CPQ: variants seen among roughly 807,000 people sequenced by gnomAD.
CPQ encodes the protein carboxypeptidase Q, also known as Ser-Met dipeptidase.
Under a neutral mutation model 45.7 loss-of-function variants are expected in CPQ, and 37 were observed. The observed-to-expected ratio is 0.81, with a 90% confidence interval of 0.62 to 1.07. CPQ has a LOEUF of 1.07. CPQ is among the 50% of genes least tolerant of loss of function. The pLI is 0.00. For synonymous variants in CPQ, 186 were observed against 205.8 expected (o/e 0.90, Z 0.82); for missense variants, 537 against 572.9 (o/e 0.94, Z 0.64).
At chr8:96,902,635 C>G (rs1349686514) in intron 4 of CPQ, among the ~76,000 whole-genome samples, 2 of 152,152 alleles carry the variant, frequency 1.3e-5, no homozygotes, top group East Asian at 3.9e-4. Context: ...GGGAACTTCC[C>G]CCTTGCCCTT....
intron 4 of CPQ, among the ~76,000 whole-genome samples, chr8:96,880,217 G>T (rs1415117026): frequency 1.3e-5 from 2 of 151,988 alleles, no homozygotes; most frequent in East Asian, 1.9e-4. Context: ...AAAAGTCAAA[G>T]AATAATAGAT....
chr8:96,817,466 G>T (rs1407089241), intron 2 of CPQ, among the ~76,000 whole-genome samples: 2 of 152,138 alleles, frequency 1.3e-5, no homozygotes, highest in Non-Finnish European at 2.9e-5. Flanking sequence ...GAATTGAAGA[G>T]AGTTAGGGCT....
At chr8:97,115,136 A>T (rs2130598839) in intron 7 of CPQ, among the ~76,000 whole-genome samples, 1 of 152,314 alleles carries the variant, frequency 6.6e-6, no homozygotes, top group East Asian at 1.9e-4. Context: ...TTTCAGCAAA[A>T]GCTTATTAGC....
At chr8:96,878,343 A>G (rs1442276641) in intron 3 of CPQ, among the ~76,000 whole-genome samples, 1 of 152,242 alleles carries the variant, frequency 6.6e-6, no homozygotes, top group Non-Finnish European at 1.5e-5. Flanking sequence ...CAGTCTCTGC[A>G]GGGATAATTG....
rs531275224 is a variant in CPQ at position 96,971,911 on chromosome 8, C to T, written c.961+5865C>T. On this transcript the variant is annotated intron_variant, in intron 5 of 7. Coordinates refer to ENST00000220763, the MANE Select transcript of CPQ (RefSeq NM_016134.4). ...GCAGGACTAGTTTGCAGCTCCCATTCGAACAGACAGAGCAGTGTTTGGAGA... is the reference window on the plus strand; with the variant it reads ...GCAGGACTAGTTTGCAGCTCCCATTTGAACAGACAGAGCAGTGTTTGGAGA... Among the ~76,000 whole-genome samples the T allele has an allele frequency of 5.3e-4, 81 of 152,262 alleles. 1 individual carries two copies. Among genetic ancestry groups the T allele is most frequent in the African/African-American group, 1.9e-3 (80 of 41,548 alleles).
rs146087978 is a variant in CPQ, at chr8:96,724,490, GACACACAC to G, written c.-34-60345_-34-60338del. Among the ~76,000 whole-genome samples the G allele has an allele frequency of 1.5e-3, 222 of 144,764 alleles. 1 individual carries two copies. The highest frequency in any genetic ancestry group is 1.2e-3 in the African/African-American group (46 of 39,400). The allele number at this position is 144,764 out of a possible 152,430, so 95.0% of individuals were successfully genotyped here. ...CAAGAATGCAGTCCCATTTAGAGTAGACACACACACACACACACACACACACACACACA... is the reference window on the plus strand; with the variant it reads ...CAAGAATGCAGTCCCATTTAGAGTAGACACACACACACACACACACACACA... On this transcript the variant is annotated intron_variant, in intron 1 of 7. Coordinates refer to ENST00000220763, the MANE Select transcript of CPQ (RefSeq NM_016134.4).
intron 5 of CPQ, among the ~76,000 whole-genome samples, chr8:97,020,851 A>G (rs1448918701): frequency 1.3e-5 from 2 of 152,142 alleles, no homozygotes; most frequent in Non-Finnish European, 2.9e-5. Flanking sequence ...AGAAAAAGGG[A>G]ACAGTCCCTA....
chr8:96,867,306 A>G (rs1178959151), intron 3 of CPQ, among the ~76,000 whole-genome samples: 3 of 152,100 alleles, frequency 2.0e-5, no homozygotes, highest in Non-Finnish European at 4.4e-5. Context: ...AAGCTCAGCA[A>G]CAGAATCAAA....
intron 3 of CPQ, among the ~76,000 whole-genome samples, chr8:96,841,484 T>C (rs1039407601): frequency 6.6e-6 from 1 of 152,214 alleles, no homozygotes; most frequent in Non-Finnish European, 1.5e-5. Flanking sequence ...CTGCCACACA[T>C]ACATTTTTTC....
chr8:97,028,734 T>C (rs1809843954), intron 5 of CPQ, among the ~76,000 whole-genome samples: 1 of 152,208 alleles, frequency 6.6e-6, no homozygotes, highest in Non-Finnish European at 1.5e-5. Context: ...AGGATACAAA[T>C]TTGTGTATCA....
chr8:96,769,133 C>T (rs575819134), intron 1 of CPQ, among the ~76,000 whole-genome samples: 3 of 152,282 alleles, frequency 2.0e-5, no homozygotes, highest in African/African-American at 7.2e-5. Context: ...GCTACTGTGC[C>T]TTGTAATAGC....
intron 4 of CPQ, among the ~76,000 whole-genome samples, chr8:96,965,470 C>T (rs1218479919): frequency 6.7e-6 from 1 of 149,720 alleles, no homozygotes; most frequent in African/African-American, 2.5e-5. Context: ...CCCGAGTTCA[C>T]ACCATTCTCC....
At chr8:96,935,201 G>A (rs1161136137) in intron 4 of CPQ, among the ~76,000 whole-genome samples, 16 of 152,170 alleles carry the variant, frequency 1.1e-4, no homozygotes, top group Admixed American at 9.8e-4. Flanking sequence ...TGTCCAAAAG[G>A]CCTTAATGGC....
chr8:96,688,748 G>A (rs962880624), intron 1 of CPQ, among the ~76,000 whole-genome samples: 1 of 151,978 alleles, frequency 6.6e-6, no homozygotes, highest in Non-Finnish European at 1.5e-5. Context: ...AGTTTTAAAT[G>A]ATCTCTTTTG....
intron 5 of CPQ, among the ~76,000 whole-genome samples, chr8:96,976,353 G>A (rs1462569985): frequency 1.3e-5 from 2 of 149,068 alleles, no homozygotes; most frequent in African/African-American, 2.5e-5. Context: ...AATCATAGAT[G>A]ACACAAGCAA....
rs190756114 is a variant in CPQ, at chr8:96,836,430, C to T, written c.641+1250C>T. On this transcript the variant is annotated intron_variant, in intron 3 of 7. Transcript: ENST00000220763. ...TAAAACTACATGTTAGAAAGTTATA[C>T]GACTAGTTACATTGATGTCATAGTG... 3.0e-3 allele frequency among the ~76,000 whole-genome samples: 454 copies of T among 152,230 alleles called. 1 individual carries two copies. Among genetic ancestry groups the T allele is most frequent in the African/African-American group, 0.01 (424 of 41,528 alleles).
chr8:97,105,131 G>T (rs192218098), intron 7 of CPQ, among the ~76,000 whole-genome samples: 1 of 151,928 alleles, frequency 6.6e-6, no homozygotes, highest in African/African-American at 2.4e-5. Context: ...GACAGCTCTC[G>T]GGTTATAGCT....
At chr8:96,656,383 G>A (rs1815637919) in intron 1 of CPQ, among the ~76,000 whole-genome samples, 1 of 152,140 alleles carries the variant, frequency 6.6e-6, no homozygotes, top group African/African-American at 2.4e-5. Context: ...TTTCTGATTG[G>A]ACAAGGTTGT....
At chr8:96,738,184 A>G (rs1810018065) in intron 1 of CPQ, among the ~76,000 whole-genome samples, 1 of 152,098 alleles carries the variant, frequency 6.6e-6, no homozygotes, top group Non-Finnish European at 1.5e-5. Flanking sequence ...AAGAATGTGT[A>G]TTCTCAAGTT....
Sources: allele counts gnomAD v4.1 joint callset (sites outside exome capture counted in the v4.1 genomes callset), GRCh38; gene constraint gnomAD v4.1.1; transcripts MANE v1.5; gene names NCBI Gene and HGNC (gene_info 2026-07-23, HGNC 2026-07-21).